TGS1: variants seen among roughly 807,000 people sequenced by gnomAD.
TGS1 encodes the protein trimethylguanosine synthase.
Under a neutral mutation model 92.2 loss-of-function variants are expected in TGS1, and 69 were observed. That is an observed-to-expected ratio of 0.75 (90% confidence interval 0.62 to 0.91). The LOEUF is 0.91. Ranked by LOEUF, TGS1 falls within the 40% of genes least tolerant of loss-of-function variation. TGS1 has a pLI of 0.00. For missense variants in TGS1, 1,062 were observed against 1,001.2 expected (o/e 1.06, Z -0.82); for synonymous variants, 345 against 338.1 (o/e 1.02, Z -0.22).
At chr8:55,778,825 A>G (rs1444808843) in intron 1 of TGS1, among the ~76,000 whole-genome samples, 3 of 152,194 alleles carry the variant, frequency 2.0e-5, no homozygotes, top group African/African-American at 7.2e-5. Flanking sequence ...TGTACTTCAG[A>G]TATTGCTAAG....
At chr8:55,824,399 G>A (rs768642102) in intron 12 of TGS1, among the ~76,000 whole-genome samples, 182 bp from the exon 13 acceptor site, 4 of 152,178 alleles carry the variant, frequency 2.6e-5, no homozygotes, top group Non-Finnish European at 5.9e-5. Context: ...GAAACAACAA[G>A]TATTCCCACC....
intron 10 of TGS1, among the ~76,000 whole-genome samples, chr8:55,809,882 C>T (rs1803293304): frequency 7.3e-6 from 1 of 136,702 alleles, no homozygotes; most frequent in Non-Finnish European, 1.6e-5. Context: ...TTTTTAGTAT[C>T]ATCAGCATAT....
chr8:55,791,825 ATAAT>A (rs1811893223), intron 5 of TGS1, among the ~76,000 whole-genome samples: 1 of 152,202 alleles, frequency 6.6e-6, no homozygotes. Flanking sequence ...ACTTGTACAC[ATAAT>A]TAAACACGTA....
At chr8:55,797,760 A>G (rs1812099236) in intron 7 of TGS1, among the ~76,000 whole-genome samples, 1 of 152,232 alleles carries the variant, frequency 6.6e-6, no homozygotes, top group Admixed American at 6.5e-5. Context: ...CATCTCCAGC[A>G]GCTCTTCAGG....
chr8:55,782,987 A>G (rs554494460), intron 2 of TGS1, among the ~76,000 whole-genome samples, 175 bp downstream of exon 2: 7 of 152,352 alleles, frequency 4.6e-5, no homozygotes, highest in African/African-American at 1.4e-4. Context: ...TGGAATCTCT[A>G]TGAAAGCAGA....
chr8:55,822,025 A>G (rs1803655269), intron 12 of TGS1, among the ~76,000 whole-genome samples: 1 of 151,562 alleles, frequency 6.6e-6, no homozygotes, highest in Admixed American at 6.6e-5. Context: ...AAAAAAGCCT[A>G]TTTTAATGGC....
chr8:55,813,397 A>G (rs903896430), intron 12 of TGS1, among the ~76,000 whole-genome samples: 2 of 152,222 alleles, frequency 1.3e-5, no homozygotes, highest in Admixed American at 6.5e-5. Flanking sequence ...CAAATGCTGC[A>G]TAGTTAAACT....
At chr8:55,800,170 T>C (rs1398585385) in intron 8 of TGS1, among the ~76,000 whole-genome samples, 1 of 152,022 alleles carries the variant, frequency 6.6e-6, no homozygotes, top group Non-Finnish European at 1.5e-5. Flanking sequence ...AGTGCAAGTG[T>C]GGGTGTATGT....
intron 2 of TGS1, 72 bp downstream of exon 2, chr8:55,782,884 T>G (rs550195883): frequency 2.4e-5 from 23 of 967,264 alleles, no homozygotes; most frequent in Non-Finnish European, 3.4e-5. Flanking sequence ...ATGTATAATT[T>G]GTTATAATAT....
At chr8:55,812,321 A>G (rs779221799) in intron 11 of TGS1, among the ~76,000 whole-genome samples, 3 of 151,964 alleles carry the variant, frequency 2.0e-5, no homozygotes, top group Non-Finnish European at 4.4e-5. Flanking sequence ...TGAGGTCAGG[A>G]GTTCAAGACC....
rs189497790 is a variant in TGS1 at position 55,810,136 on chromosome 8, G to A, written c.2144-745G>A. Among the ~76,000 whole-genome samples the A allele has an allele frequency of 9.3e-4, 141 of 152,286 alleles. 1 individual carries two copies. Among genetic ancestry groups the A allele is most frequent in the Non-Finnish European group, 1.2e-3 (80 of 68,014 alleles). On this transcript the variant is annotated intron_variant, in intron 10 of 12. Transcript: ENST00000260129. ...AAACAATTTCCATGACAACCACGCCGTAAGCGTAACGGTTACACTTAGCCC... is the reference window on the plus strand; with the variant it reads ...AAACAATTTCCATGACAACCACGCCATAAGCGTAACGGTTACACTTAGCCC...
At chr8:55,776,303 CAG>C (rs1811396532) in intron 1 of TGS1, among the ~76,000 whole-genome samples, 1 of 127,946 alleles carries the variant, frequency 7.8e-6, no homozygotes, top group African/African-American at 3.1e-5. Context: ...TTTTTTGAGA[CAG>C]AGTCTCGCTT....
At chr8:55,806,767 T>C (rs1279115501) in intron 10 of TGS1, among the ~76,000 whole-genome samples, 1 of 152,202 alleles carries the variant, frequency 6.6e-6, no homozygotes, top group East Asian at 1.9e-4. Flanking sequence ...TGCCCAAGAT[T>C]ATACTGGCAC....
At chr8:55,799,766 A>G (rs1812170294) in intron 8 of TGS1, among the ~76,000 whole-genome samples, 1 of 152,014 alleles carries the variant, frequency 6.6e-6, no homozygotes, top group Admixed American at 6.6e-5. Context: ...TTGTAGAGAC[A>G]CAGGGTCTCA....
intron 10 of TGS1, among the ~76,000 whole-genome samples, chr8:55,808,376 T>C (rs1355274181): frequency 6.6e-6 from 1 of 152,188 alleles, no homozygotes. Flanking sequence ...AAATGTATCT[T>C]CATTTTGGCC....
In TGS1 at chr8:55,786,501, T is replaced by C. The variant is rs1304755721; in HGVS notation, c.603T>C (p.Tyr201=). The C allele has an allele frequency of 1.3e-5, 21 of 1,614,108 alleles. No individual in the cohort carries two copies. Among genetic ancestry groups the C allele is most frequent in the Non-Finnish European group, 1.4e-5 (16 of 1,180,008 alleles). The part of the protein sequence containing the change: ...KLEITEKWEK[Y]WNEYGGGLLW... Reference sequence around the variant, plus strand: ...AAATTACAGAGAAATGGGAAAAGTATTGGAATGAATATGGAGGAGGACTAT... The same window carrying C: ...AAATTACAGAGAAATGGGAAAAGTACTGGAATGAATATGGAGGAGGACTAT... Residue 201 remains tyrosine, a synonymous_variant, in exon 4 of 13, where the codon TAT becomes TAC. Transcript: ENST00000260129.
At chr8:55,811,198 C>T (rs1176809435) in intron 11 of TGS1, 101 bp downstream of exon 11, 5 of 814,464 alleles carry the variant, frequency 6.1e-6, no homozygotes, top group South Asian at 1.7e-5. Context: ...CAGGGTGGCT[C>T]ACATTTGTAA....
intron 1 of TGS1, among the ~76,000 whole-genome samples, chr8:55,775,069 A>G (rs1320800455): frequency 6.6e-6 from 1 of 152,098 alleles, no homozygotes; most frequent in Admixed American, 6.6e-5. Context: ...GGGCAACATA[A>G]CAACACCTCA....
At position 55,824,925 on chromosome 8, in the gene TGS1, A is replaced by AT; in HGVS notation, c.*225dup. The AT allele has an allele frequency of 2.2e-6, 1 of 455,396 alleles. No homozygotes were observed. Among genetic ancestry groups the AT allele is most frequent in the Non-Finnish European group, 3.7e-6 (1 of 267,624 alleles). The allele number at this position is 455,396 out of a possible 1,614,324, so 28.2% of individuals were successfully genotyped here. On this transcript the variant is annotated 3_prime_UTR_variant, in exon 13 of 13. Transcript: ENST00000260129. ...AATTAATATATATGAGTCCTTTGTAATTTATTTTTTTTTGAGACAGGATCT... is the reference window on the plus strand; with the variant it reads ...AATTAATATATATGAGTCCTTTGTAATTTTATTTTTTTTTGAGACAGGATCT...
Sources: gnomAD v4.1 joint callset for allele counts (sites outside exome capture counted in the v4.1 genomes callset) on GRCh38, gnomAD v4.1.1 for gene constraint, MANE v1.5 for transcripts, NCBI Gene and HGNC (gene_info 2026-07-23, HGNC 2026-07-21) for gene names.